The following SLC4A10 variants were observed in gnomAD, a reference collection of about 807,000 sequenced individuals.
SLC4A10 encodes the protein solute carrier family 4 member 10.
In SLC4A10, 42 loss-of-function variants were observed where a neutral mutation model predicts 137.7. That is an observed-to-expected ratio of 0.30 (90% CI 0.24 to 0.39). The LOEUF (loss-of-function observed/expected upper bound fraction) is 0.39. Among genes scored for constraint, SLC4A10 ranks in the 10% least tolerant of loss-of-function variants. The pLI is 1.00. For synonymous variants in SLC4A10, 474 were observed against 464.1 expected, an observed-to-expected ratio of 1.02 and a Z score of -0.27; for missense variants, 925 against 1,355.0, an observed-to-expected ratio of 0.68 and a Z score of 4.98.
intron 1 of SLC4A10, among the ~76,000 whole-genome samples, chr2:161,652,122 C>G (rs1434446427): frequency 1.2e-4 from 19 of 152,168 alleles, no homozygotes; most frequent in Admixed American, 1.1e-3. Context: ...TCATTAAGTC[C>G]AGCCCATACT....
chr2:161,853,698 C>G (rs1293179455), intron 4 of SLC4A10, among the ~76,000 whole-genome samples: 1 of 150,332 alleles, frequency 6.7e-6, no homozygotes, highest in Non-Finnish European at 1.5e-5. Flanking sequence ...AAGAGATATA[C>G]TGTTGGTGAT....
At chr2:161,869,244 A>G (rs2060960345) in intron 6 of SLC4A10, among the ~76,000 whole-genome samples, 1 of 151,788 alleles carries the variant, frequency 6.6e-6, no homozygotes, top group East Asian at 1.9e-4. Context: ...TGCCTTAGAC[A>G]TCAGCAAGAA....
chr2:161,903,957 G>GT (rs1247226206), intron 12 of SLC4A10, 47 bp from the exon 13 acceptor site: 17 of 1,509,938 alleles, frequency 1.1e-5, no homozygotes, highest in Non-Finnish European at 1.5e-5. Flanking sequence ...TGACTTGTGT[G>GT]TTTTTTATAT....
At chr2:161,789,461 C>G (rs1042704809) in intron 2 of SLC4A10, among the ~76,000 whole-genome samples, 1 of 151,666 alleles carries the variant, frequency 6.6e-6, no homozygotes, top group Non-Finnish European at 1.5e-5. Context: ...CATGACCATT[C>G]AACTGTAACT....
At chr2:161,981,668 A>G (rs1700234549) in intron 26 of SLC4A10, among the ~76,000 whole-genome samples, 1 of 152,248 alleles carries the variant, frequency 6.6e-6, no homozygotes, top group South Asian at 2.1e-4. Flanking sequence ...CTTAAAGTAG[A>G]AGAAAGTGAG....
intron 21 of SLC4A10, among the ~76,000 whole-genome samples, chr2:161,963,056 C>A (rs78475569): frequency 6.6e-6 from 1 of 151,898 alleles, no homozygotes; most frequent in Non-Finnish European, 1.5e-5. Flanking sequence ...TCTAAATAAT[C>A]GCCTCTAGTT....
chr2:161,633,794 T>C (rs1012010579), intron 1 of SLC4A10, among the ~76,000 whole-genome samples: 5 of 151,814 alleles, frequency 3.3e-5, no homozygotes, highest in Non-Finnish European at 7.4e-5. Context: ...TTGATAATTA[T>C]AATACAGTAC....
chr2:161,859,297 T>TTTTC (rs1457101920), intron 5 of SLC4A10, among the ~76,000 whole-genome samples: 5 of 143,194 alleles, frequency 3.5e-5, no homozygotes, highest in Non-Finnish European at 6.1e-5. Context: ...TTTTCTTTTC[T>TTTTC]TTTTTTTTTT....
intron 1 of SLC4A10, among the ~76,000 whole-genome samples, chr2:161,629,861 A>T (rs1194164223): frequency 6.6e-6 from 1 of 151,696 alleles, no homozygotes; most frequent in Non-Finnish European, 1.5e-5. Flanking sequence ...TATTTTCATG[A>T]CTTGATATCT....
At chr2:161,841,031 A>G (rs1288336661) in intron 4 of SLC4A10, among the ~76,000 whole-genome samples, 1 of 152,148 alleles carries the variant, frequency 6.6e-6, no homozygotes, top group Non-Finnish European at 1.5e-5. Flanking sequence ...CAGAGATAGC[A>G]GGACGTGCTT....
At chr2:161,936,719 C>T (rs2105704099) in intron 15 of SLC4A10, among the ~76,000 whole-genome samples, 1 of 152,082 alleles carries the variant, frequency 6.6e-6, no homozygotes, top group Admixed American at 6.5e-5. Flanking sequence ...GTTATTATTT[C>T]AAAACACCAA....
At chr2:161,678,568 T>A (rs1274423093) in intron 1 of SLC4A10, among the ~76,000 whole-genome samples, 5 of 152,168 alleles carry the variant, frequency 3.3e-5, no homozygotes, top group African/African-American at 1.2e-4. Flanking sequence ...ATCACTCTGA[T>A]CAAGGTATAC....
intron 3 of SLC4A10, among the ~76,000 whole-genome samples, chr2:161,838,967 C>G (rs1365206152): frequency 6.6e-6 from 1 of 152,116 alleles, no homozygotes; most frequent in Non-Finnish European, 1.5e-5. Context: ...TAGGTATTTA[C>G]CCTAGAGAAA....
chr2:161,864,738 A>T (rs1257902573), intron 6 of SLC4A10, among the ~76,000 whole-genome samples: 1 of 152,182 alleles, frequency 6.6e-6, no homozygotes, highest in African/African-American at 2.4e-5. Context: ...TCATATATTT[A>T]AAACATATTT....
chr2:161,762,119 T>A (rs1358464312), intron 1 of SLC4A10, among the ~76,000 whole-genome samples: 1 of 152,090 alleles, frequency 6.6e-6, no homozygotes, highest in Non-Finnish European at 1.5e-5. Context: ...GCTTCTTTAA[T>A]AAAAATATGT....
intron 3 of SLC4A10, among the ~76,000 whole-genome samples, chr2:161,816,789 T>C (rs2125667638): frequency 6.6e-6 from 1 of 152,174 alleles, no homozygotes; most frequent in East Asian, 1.9e-4. Context: ...TTCATCCATG[T>C]CCCTACAAAG....
At chr2:161,697,397 T>C (rs2042640100) in intron 1 of SLC4A10, among the ~76,000 whole-genome samples, 1 of 152,188 alleles carries the variant, frequency 6.6e-6, no homozygotes, top group South Asian at 2.1e-4. Flanking sequence ...ATGTCCTGAA[T>C]GGTATTGCCT....
intron 3 of SLC4A10, among the ~76,000 whole-genome samples, chr2:161,819,756 A>AG (rs1235336230): frequency 6.6e-6 from 1 of 152,158 alleles, no homozygotes; most frequent in Non-Finnish European, 1.5e-5. Context: ...AGCCTCCCAA[A>AG]GTGCTGGGAT....
intron 2 of SLC4A10, among the ~76,000 whole-genome samples, chr2:161,790,167 T>C (rs1316021629): frequency 3.3e-5 from 5 of 152,336 alleles, no homozygotes; most frequent in African/African-American, 4.8e-5. Flanking sequence ...AAGAATTTGA[T>C]ATTTAGTAAC....
Sources: gnomAD v4.1 joint callset for allele counts (sites outside exome capture counted in the v4.1 genomes callset) on GRCh38, gnomAD v4.1.1 for gene constraint, MANE v1.5 for transcripts, NCBI Gene and HGNC (gene_info 2026-07-23, HGNC 2026-07-21) for gene names.